NAALADL2: variants seen among roughly 807,000 people sequenced by gnomAD.
The protein encoded by NAALADL2 is N-acetylated alpha-linked acidic dipeptidase like 2, also known as inactive N-acetylated-alpha-linked acidic dipeptidase-like protein 2.
A neutral mutation model predicts 87.2 loss-of-function variants in NAALADL2; 76 were observed. That is an observed-to-expected ratio of 0.87 (90% CI 0.72 to 1.05). NAALADL2 has a LOEUF of 1.05. Ranked by LOEUF, NAALADL2 falls within the 50% of genes least tolerant of loss-of-function variation. The pLI, the probability that NAALADL2 is intolerant of heterozygous loss-of-function variation, is 0.00. For missense variants in NAALADL2, 1,089 were observed against 945.8 expected (o/e 1.15, Z -1.99); for synonymous variants, 354 against 331.0 (o/e 1.07, Z -0.75).
chr3:175,594,638 ACCTTTTGT>A (rs367620948), intron 10 of NAALADL2, among the ~76,000 whole-genome samples: 17 of 152,134 alleles, frequency 1.1e-4, no homozygotes, highest in African/African-American at 4.1e-4. Context: ...TATAAGCGTT[ACCTTTTGT>A]CTGCATTTTT....
intron 11 of NAALADL2, among the ~76,000 whole-genome samples, chr3:175,633,646 C>T (rs562542819): frequency 6.6e-6 from 1 of 151,808 alleles, no homozygotes; most frequent in African/African-American, 2.4e-5. Context: ...CTATGTGGTA[C>T]CATGGAAACC....
chr3:175,481,870 A>G (rs1204600585), intron 9 of NAALADL2, among the ~76,000 whole-genome samples: 2 of 151,996 alleles, frequency 1.3e-5, no homozygotes, highest in Non-Finnish European at 2.9e-5. Flanking sequence ...TACATTTATG[A>G]AAAGTCCTAG....
chr3:174,567,135 T>G (rs1469928843), intron 2 of NAALADL2, among the ~76,000 whole-genome samples: 2 of 151,646 alleles, frequency 1.3e-5, no homozygotes, highest in African/African-American at 4.8e-5. Context: ...AATTCAATAT[T>G]TTAGCTACAT....
At chr3:174,912,466 C>T (rs574296255) in intron 1 of NAALADL2, among the ~76,000 whole-genome samples, 1 of 152,222 alleles carries the variant, frequency 6.6e-6, no homozygotes, top group Admixed American at 6.5e-5. Context: ...CCTAAGGCTG[C>T]AATAGCTAAA....
At chr3:175,463,670 C>T (rs987661376) in intron 7 of NAALADL2, among the ~76,000 whole-genome samples, 177 bp downstream of exon 7, 3 of 143,742 alleles carry the variant, frequency 2.1e-5, no homozygotes, top group East Asian at 2.0e-4. Flanking sequence ...TCTTTCCTAC[C>T]GTATCTCTTC....
chr3:175,556,606 A>T (rs1377073991), intron 9 of NAALADL2, among the ~76,000 whole-genome samples: 2 of 152,196 alleles, frequency 1.3e-5, no homozygotes, highest in Non-Finnish European at 2.9e-5. Context: ...GCCATTTAAA[A>T]TTGACATCAT....
intron 11 of NAALADL2, among the ~76,000 whole-genome samples, chr3:175,730,388 T>C (rs2150060733): frequency 1.1e-5 from 1 of 88,510 alleles, no homozygotes; most frequent in African/African-American, 4.1e-5. Context: ...TCAGAAAACT[T>C]AATACAGATA....
chr3:175,147,636 G>C (rs66826829), intron 2 of NAALADL2, among the ~76,000 whole-genome samples: 57,038 of 152,026 alleles, frequency 0.38, 11,817 homozygotes, highest in East Asian at 0.56. Flanking sequence ...TTGAATGATA[G>C]TTCTGTTTTA....
chr3:174,971,341 A>G (rs1482723053), intron 1 of NAALADL2, among the ~76,000 whole-genome samples: 1 of 152,218 alleles, frequency 6.6e-6, no homozygotes, highest in East Asian at 1.9e-4. Context: ...AGCAATTTCA[A>G]AGTAAAAATT....
chr3:175,265,683 C>T lies in NAALADL2; in HGVS notation c.939+9153C>T, dbSNP rs541702980. ...TTAATATCTGTTTGGGAAAAAAATA[C>T]TTCTCCCTAAAACTTTTGTAATTAA... On this transcript the variant is annotated intron_variant, in intron 4 of 13. Transcript: ENST00000454872. Among the ~76,000 whole-genome samples, 12 of 151,622 alleles carry T rather than the reference C, an allele frequency of 7.9e-5. No homozygotes were observed. The East Asian group carries it at 2.3e-3, about 29-fold the overall frequency.
chr3:175,165,143 C>G (rs950574655), intron 2 of NAALADL2, among the ~76,000 whole-genome samples: 29 of 152,124 alleles, frequency 1.9e-4, no homozygotes, highest in Non-Finnish European at 3.4e-4. Context: ...TTCTATGAGG[C>G]CTTTCTCAAC....
intron 3 of NAALADL2, among the ~76,000 whole-genome samples, chr3:175,239,007 T>C (rs1746388139): frequency 6.6e-6 from 1 of 152,166 alleles, no homozygotes. Flanking sequence ...ATAGGACCGT[T>C]TTGTGTAAGC....
chr3:175,152,566 G>A (rs138817254), intron 2 of NAALADL2, among the ~76,000 whole-genome samples: 6 of 152,196 alleles, frequency 3.9e-5, no homozygotes, highest in African/African-American at 1.4e-4. Flanking sequence ...TGGTAGTGGT[G>A]GGGAAATATA....
At chr3:175,444,111 G>A (rs539756840) in intron 5 of NAALADL2, among the ~76,000 whole-genome samples, 1 of 152,190 alleles carries the variant, frequency 6.6e-6, no homozygotes, top group Non-Finnish European at 1.5e-5. Flanking sequence ...TGAAGTATAA[G>A]GTTTGGGATC....
At chr3:174,945,135 G>T (rs948990135) in intron 1 of NAALADL2, among the ~76,000 whole-genome samples, 2 of 152,152 alleles carry the variant, frequency 1.3e-5, no homozygotes, top group Non-Finnish European at 2.9e-5. Context: ...AGGTGTAAAT[G>T]GTTGTCTGTA....
At chr3:175,244,004 C>G (rs1200873449) in intron 3 of NAALADL2, among the ~76,000 whole-genome samples, 1 of 152,156 alleles carries the variant, frequency 6.6e-6, no homozygotes, top group East Asian at 1.9e-4. Flanking sequence ...CTGGGACTGA[C>G]TGGCTCACAA....
intron 2 of NAALADL2, among the ~76,000 whole-genome samples, chr3:175,147,647 T>A (rs962247910): frequency 6.6e-6 from 1 of 152,178 alleles, no homozygotes; most frequent in African/African-American, 2.4e-5. Flanking sequence ...TTCTGTTTTA[T>A]GTTCTTTGAG....
intron 3 of NAALADL2, among the ~76,000 whole-genome samples, chr3:174,841,944 G>A (rs1300122453): frequency 2.6e-5 from 4 of 151,652 alleles, no homozygotes; most frequent in Admixed American, 2.0e-4. Context: ...ACAATTAATC[G>A]TTATATGTAA....
intron 13 of NAALADL2, among the ~76,000 whole-genome samples, chr3:175,780,004 C>T (rs923320165): frequency 6.6e-6 from 1 of 151,804 alleles, no homozygotes; most frequent in Non-Finnish European, 1.5e-5. Context: ...CGCGGTGGCT[C>T]ACGCCTGTAA....
Sources: gnomAD v4.1 joint callset for allele counts (sites outside exome capture counted in the v4.1 genomes callset) on GRCh38, gnomAD v4.1.1 for gene constraint, MANE v1.5 for transcripts, NCBI Gene and HGNC (gene_info 2026-07-23, HGNC 2026-07-21) for gene names.